Variants in CFAP44 observed in about 807,000 individuals in gnomAD.
The protein encoded by CFAP44 is cilia- and flagella-associated protein 44.
Under a neutral mutation model 216.2 loss-of-function variants are expected in CFAP44, and 134 were observed. That is an observed-to-expected ratio of 0.62 (90% CI 0.54 to 0.72). CFAP44 has a LOEUF of 0.72. Ranked by LOEUF, CFAP44 falls within the 30% of genes least tolerant of loss-of-function variation. The pLI is 0.00. For missense variants in CFAP44, 2,035 were observed against 2,182.1 expected (o/e 0.93, Z 1.34); for synonymous variants, 700 against 727.6 (o/e 0.96, Z 0.61).
chr3:113,373,986 C>G (rs1464346787), intron 17 of CFAP44, among the ~76,000 whole-genome samples: 1 of 151,834 alleles, frequency 6.6e-6, no homozygotes, highest in East Asian at 1.9e-4. Context: ...AAAATTTATC[C>G]ATGTAGTGAG....
chr3:113,374,774 G>A (rs2107328596), intron 17 of CFAP44, among the ~76,000 whole-genome samples: 1 of 152,168 alleles, frequency 6.6e-6, no homozygotes, highest in Non-Finnish European at 1.5e-5. Flanking sequence ...AGCTAGGATT[G>A]CAGGTTTGAG....
chr3:113,404,459 T>C (rs1005087007), intron 8 of CFAP44, among the ~76,000 whole-genome samples: 1 of 152,194 alleles, frequency 6.6e-6, no homozygotes, highest in Non-Finnish European at 1.5e-5. Flanking sequence ...AGGATAATCA[T>C]CTAAAACTTT....
At chr3:113,334,548 A>T (rs1393496259) in intron 24 of CFAP44, among the ~76,000 whole-genome samples, 3 of 152,232 alleles carry the variant, frequency 2.0e-5, no homozygotes, top group Non-Finnish European at 2.9e-5. Context: ...AAGGCCACAA[A>T]AAGGATTGAA....
In CFAP44 at chr3:113,384,195, A is replaced by G. The variant is rs201601718; in HGVS notation, c.1891-3135T>C. ...TGCCTCAGCCTCCCAAGTAGGTGGG[A>G]CTGCAGGTGCCCGCCACCACGCCTG... On this transcript the variant is annotated intron_variant, in intron 15 of 34. Transcript: ENST00000393845. 9.9e-5 allele frequency among the ~76,000 whole-genome samples: 15 copies of G among 152,022 alleles called. No homozygotes were observed. The East Asian group carries it at 1.9e-3, about 20-fold the overall frequency.
intron 28 of CFAP44, among the ~76,000 whole-genome samples, chr3:113,323,754 A>T (rs780421986): frequency 8.5e-5 from 13 of 152,186 alleles, no homozygotes; most frequent in Non-Finnish European, 1.6e-4. Context: ...TATGAAATAG[A>T]TCATTTGGGC....
At chr3:113,367,097 C>A (rs774410481) in intron 18 of CFAP44, among the ~76,000 whole-genome samples, 1 of 152,188 alleles carries the variant, frequency 6.6e-6, no homozygotes, top group Non-Finnish European at 1.5e-5. Flanking sequence ...CTCAGCAAGG[C>A]CTACTGCCTC....
chr3:113,415,117 C>T (rs1257389781), intron 6 of CFAP44, among the ~76,000 whole-genome samples: 1 of 152,154 alleles, frequency 6.6e-6, no homozygotes, highest in Non-Finnish European at 1.5e-5. Flanking sequence ...AGGAATTTAT[C>T]CATTTCTTCT....
chr3:113,365,484 G>GA (rs1228958653), intron 19 of CFAP44, among the ~76,000 whole-genome samples: 1 of 151,876 alleles, frequency 6.6e-6, no homozygotes, highest in East Asian at 1.9e-4. Flanking sequence ...TCTATGACAG[G>GA]AAAAAAGGAC....
chr3:113,411,778 G>A (rs1934483293), intron 6 of CFAP44, among the ~76,000 whole-genome samples: 1 of 152,188 alleles, frequency 6.6e-6, no homozygotes, highest in Admixed American at 6.5e-5. Flanking sequence ...CCATGAGCAT[G>A]GAATGTTCTT....
chr3:113,377,043 C>T (rs1163368813), intron 17 of CFAP44, among the ~76,000 whole-genome samples: 1 of 152,126 alleles, frequency 6.6e-6, no homozygotes, highest in Admixed American at 6.5e-5. Context: ...ATATAGATCC[C>T]TATAGGGTGT....
chr3:113,390,324 C>T (rs1933761669), intron 15 of CFAP44, among the ~76,000 whole-genome samples: 1 of 152,044 alleles, frequency 6.6e-6, no homozygotes, highest in African/African-American at 2.4e-5. Context: ...TCTCAAAAGA[C>T]TGGGTAGAGA....
At chr3:113,306,424 G>T (rs184233473) in intron 29 of CFAP44, 93 bp from the exon 30 acceptor site, 2 of 1,435,502 alleles carry the variant, frequency 1.4e-6, no homozygotes, top group Admixed American at 4.9e-5. Context: ...AATCAATAAT[G>T]TCTATTTATG....
chr3:113,308,074 C>G, intron 29 of CFAP44, 84 bp downstream of exon 29: 1 of 1,004,256 alleles, frequency 1.0e-6, no homozygotes, highest in Non-Finnish European at 1.4e-6. Flanking sequence ...ATTATCAGAG[C>G]ACAGAGAAAC....
intron 6 of CFAP44, among the ~76,000 whole-genome samples, chr3:113,415,250 T>C (rs955412401): frequency 6.6e-6 from 1 of 152,160 alleles, no homozygotes; most frequent in African/African-American, 2.4e-5. Flanking sequence ...GATTCTTCTC[T>C]TCCTTCTTCC....
chr3:113,356,441 C>T (rs1049954094), intron 22 of CFAP44, among the ~76,000 whole-genome samples: 2 of 151,940 alleles, frequency 1.3e-5, no homozygotes, highest in South Asian at 2.1e-4. Flanking sequence ...GGAGGATTTA[C>T]AATATTAGAT....
chr3:113,441,205 C>T (rs373592077), intron 1 of CFAP44, among the ~76,000 whole-genome samples: 5 of 152,228 alleles, frequency 3.3e-5, no homozygotes, highest in African/African-American at 1.2e-4. Flanking sequence ...AGCTGTGCTC[C>T]TGCTGCCTGG....
chr3:113,430,579 A>G (rs907823514), intron 2 of CFAP44, among the ~76,000 whole-genome samples: 1 of 152,164 alleles, frequency 6.6e-6, no homozygotes, highest in Non-Finnish European at 1.5e-5. Context: ...CAGATCCTAC[A>G]AAGTTATGTC....
chr3:113,308,212 C>T lies in CFAP44; in HGVS notation c.4573G>A (p.Glu1525Lys), dbSNP rs376193610. The change falls in exon 29 of 35, where the codon GAA (glutamate) becomes AAA (lysine). Residue 1525 changes from glutamate (E) to lysine (K), a missense_variant. Glu to Lys is a moderately conservative substitution (Grantham distance 56). Around this residue, in one of 3 missense-constraint regions of CFAP44, gnomAD observed 1,883 missense variants for 2,023.7 expected, o/e 0.93. Coordinates refer to ENST00000393845, the MANE Select transcript of CFAP44 (RefSeq NM_001164496.2). The stretch of plus-strand genomic sequence containing the variant: ...TCATCTTCTGATTCAGACTCATCTT[C>T]ATCACTCTCCAAGCTAGATTCTTCT... ...SEEESSLESD[E>K]DESESEDEVF... 1.3e-6 allele frequency: 2 copies of T among 1,536,616 alleles called. No individual in the cohort carries two copies. The highest frequency in any genetic ancestry group is 1.2e-5 in the South Asian group (1 of 83,848).
intron 21 of CFAP44, among the ~76,000 whole-genome samples, chr3:113,359,935 C>G (rs1161667750): frequency 6.6e-6 from 1 of 152,110 alleles, no homozygotes; most frequent in Non-Finnish European, 1.5e-5. Context: ...CAACCGGGTA[C>G]TGTCTTTTCA....
Sources: allele counts gnomAD v4.1 joint callset (sites outside exome capture counted in the v4.1 genomes callset), GRCh38; gene constraint gnomAD v4.1.1; regional missense constraint gnomAD v4.1.1; transcripts MANE v1.5; gene names NCBI Gene and HGNC (gene_info 2026-07-23, HGNC 2026-07-21).